RFXANK: variants seen among roughly 807,000 people sequenced by gnomAD.
RFXANK encodes DNA-binding protein RFXANK.
RFXANK carries 19 observed loss-of-function variants against 34.5 expected under a neutral mutation model. That is an observed-to-expected ratio of 0.55 (90% CI 0.38 to 0.81). The LOEUF is 0.81. Among genes scored for constraint, RFXANK ranks in the 30% least tolerant of loss-of-function variants. RFXANK has a pLI of 0.00. For missense variants in RFXANK, 295 were observed against 343.5 expected (o/e 0.86, Z 1.12); for synonymous variants, 154 against 149.8 (o/e 1.03, Z -0.20).
At position 19,192,275 on chromosome 19, in the gene RFXANK, G is replaced by A; in HGVS notation, c.-429G>A. On this transcript the variant is annotated 5_prime_UTR_variant, in exon 1 of 10. Transcript: ENST00000303088. ...TCCTCAGTCTTTGCGGACAAGAAAG[G>A]GGCTGTGTGAGACGCAGGGAAGGAG... is the stretch of plus-strand genomic sequence containing the variant. The A allele has an allele frequency of 1.0e-6, 1 of 989,464 alleles. No individual in the cohort carries two copies. The highest frequency in any genetic ancestry group is 1.5e-6 in the Non-Finnish European group (1 of 671,976). The allele number at this position is 989,464 out of a possible 1,614,324, so 61.3% of individuals were successfully genotyped here.
rs1006396261 is a variant in RFXANK at position 19,201,836 on chromosome 19, C to G, written c.*117C>G. ...ACAGGTGGTGGGAGGGGACCCTTCC[C>G]AAGAGGAACCAATAAACCTTCTGTG... On this transcript the variant is annotated 3_prime_UTR_variant, in exon 10 of 10. Transcript: ENST00000303088. 1 of 1,611,060 alleles carries G rather than the reference C, an allele frequency of 6.2e-7. No homozygotes were observed. Among genetic ancestry groups the G allele is most frequent in the Non-Finnish European group, 8.5e-7 (1 of 1,178,580 alleles).
intron 3 of RFXANK, among the ~76,000 whole-genome samples, chr19:19,195,267 C>G (rs377030506): frequency 7.8e-6 from 1 of 128,718 alleles, no homozygotes; most frequent in African/African-American, 3.0e-5. Context: ...CCCCTCCCCT[C>G]GCCTCCCCTC....
At chr19:19,192,707 G>A (rs2146449370) in intron 1 of RFXANK, 153 bp downstream of exon 1, 1 of 153,280 alleles carries the variant, frequency 6.5e-6, no homozygotes, top group Middle Eastern at 3.4e-3. Context: ...CAGGCGTAGT[G>A]AAATTCTCAG....
chr19:19,198,208 C>T lies in RFXANK; in HGVS notation c.540C>T (p.Asp180=), dbSNP rs576657199. Residue 180 remains aspartate (D), a synonymous_variant, in exon 7 of 10, where the codon GAC becomes GAT. Transcript: ENST00000303088. ...TTGTGGGGCTGCTGCTGGAGCGTGA[C>T]GTGGACATCAACATCTATGATTGGG... is the stretch of plus-strand genomic sequence containing the variant. ...TDIVGLLLER[D]VDINIYDWNG... 16 of 1,614,140 alleles carry T rather than the reference C, an allele frequency of 9.9e-6. No individual in the cohort carries two copies. The highest frequency in any genetic ancestry group is 5.3e-5 in the African/African-American group (4 of 75,036).
At chr19:19,195,717 C>T (rs1279077359) in intron 3 of RFXANK, among the ~76,000 whole-genome samples, 2 of 150,766 alleles carry the variant, frequency 1.3e-5, no homozygotes, top group Non-Finnish European at 1.5e-5. Flanking sequence ...TTCTTTTCAT[C>T]CTCTTCTACC....
rs1470809315 is a variant in RFXANK, at chr19:19,197,506, GCCT to G, written c.338-8_338-6del. 24 of 1,612,158 alleles carry G rather than the reference GCCT, an allele frequency of 1.5e-5. No homozygotes were observed. The East Asian group carries it at 3.6e-4, about 24-fold the overall frequency. ...GGGGTGCAGCCTGGTGGTATTGCCC[GCCT>G]CCTCCTGCCAGGTGACAACCTCGTC... On this transcript the variant is annotated splice_polypyrimidine_tract_variant and intron_variant, in intron 5 of 9. Transcript: ENST00000303088.
intron 1 of RFXANK, 190 bp downstream of exon 1, chr19:19,192,744 C>G (rs1176456006): frequency 6.6e-6 from 1 of 152,640 alleles, no homozygotes; most frequent in Non-Finnish European, 1.5e-5. Context: ...CCCATTCCCT[C>G]CGAGTCGGTG....
At chr19:19,197,473 A>C in intron 5 of RFXANK, 48 bp from the exon 6 acceptor site, 1 of 1,578,382 alleles carries the variant, frequency 6.3e-7, no homozygotes, top group Non-Finnish European at 8.7e-7. Context: ...CACTGGGGAT[A>C]GGGGGCAGGG....
intron 3 of RFXANK, among the ~76,000 whole-genome samples, chr19:19,195,205 G>GC (rs1555780076): frequency 4.2e-5 from 5 of 117,858 alleles, no homozygotes; most frequent in Non-Finnish European, 5.2e-5. Flanking sequence ...ACTACAGTCC[G>GC]TTTTTTTTTT....
Position 19,198,651 on chromosome 19 carries a change from C to T in RFXANK, c.565-6C>T, listed in dbSNP as rs566002293. On this transcript the variant is annotated splice_polypyrimidine_tract_variant and splice_region_variant and intron_variant, in intron 7 of 9. Transcript: ENST00000303088. ...CTTTGGTTTCTCCTGCCCCTACCCA[C>T]GACAGAATGGAGGGACGCCACTGCT... 1.5e-5 allele frequency: 25 copies of T among 1,613,344 alleles called. No homozygotes were observed. The highest frequency in any genetic ancestry group is 8.8e-5 in the South Asian group (8 of 91,086).
intron 3 of RFXANK, among the ~76,000 whole-genome samples, chr19:19,195,413 A>G (rs1008255052): frequency 1.8e-4 from 28 of 151,980 alleles, no homozygotes; most frequent in African/African-American, 6.5e-4. Context: ...TCCTGGGTTA[A>G]GGTGATTCTC....
intron 9 of RFXANK, chr19:19,200,670 C>G (rs930665576): frequency 1.3e-5 from 2 of 152,808 alleles, no homozygotes; most frequent in African/African-American, 4.8e-5. Context: ...GTCACCCAGG[C>G]TGGAGTGCAG....
chr19:19,199,993 G>T (rs998867832), intron 9 of RFXANK, among the ~76,000 whole-genome samples: 1 of 151,968 alleles, frequency 6.6e-6, no homozygotes, highest in Non-Finnish European at 1.5e-5. Flanking sequence ...TGTTTTCGGG[G>T]GGTTTGTTTT....
At chr19:19,198,995 A>G (rs1385933875) in intron 8 of RFXANK, 159 bp from the exon 9 acceptor site, 1 of 791,068 alleles carries the variant, frequency 1.3e-6, no homozygotes, top group Non-Finnish European at 2.2e-6. Context: ...GGAGACCAAG[A>G]TAGCAGAGGT....
intron 9 of RFXANK, among the ~76,000 whole-genome samples, chr19:19,199,578 C>A (rs1307261621): frequency 6.6e-6 from 1 of 152,066 alleles, no homozygotes; most frequent in African/African-American, 2.4e-5. Flanking sequence ...GTTGAGACCC[C>A]GAGAAGTGAG....
intron 2 of RFXANK, 81 bp from the exon 3 acceptor site, chr19:19,193,858 G>A: frequency 4.0e-6 from 6 of 1,491,238 alleles, no homozygotes; most frequent in Non-Finnish European, 5.6e-6. Context: ...CACAGTGCAA[G>A]GCTAGGTATG....
At chr19:19,200,280 C>T (rs559370838) in intron 9 of RFXANK, among the ~76,000 whole-genome samples, 1 of 149,230 alleles carries the variant, frequency 6.7e-6, no homozygotes, top group East Asian at 2.0e-4. Context: ...CAGGTTCAAG[C>T]GATTCTCCTG....
At chr19:19,194,689 A>G (rs76590842) in intron 3 of RFXANK, among the ~76,000 whole-genome samples, 1 of 148,804 alleles carries the variant, frequency 6.7e-6, no homozygotes, top group Admixed American at 6.7e-5. Context: ...ACACCTGGCT[A>G]ATTTTTTTTT....
intron 9 of RFXANK, among the ~76,000 whole-genome samples, chr19:19,201,246 T>A (rs559380478): frequency 6.6e-6 from 1 of 152,278 alleles, no homozygotes; most frequent in African/African-American, 2.4e-5. Context: ...AGCCTAATTT[T>A]TAAATTTTTT....
Sources: allele counts gnomAD v4.1 joint callset (sites outside exome capture counted in the v4.1 genomes callset), GRCh38; gene constraint gnomAD v4.1.1; transcripts MANE v1.5; gene names NCBI Gene and HGNC (gene_info 2026-07-23, HGNC 2026-07-21).